The following TLE1 variants were observed in gnomAD, a reference collection of about 807,000 sequenced individuals.
TLE1 encodes TLE family member 1, transcriptional corepressor, also known as transducin-like enhancer protein 1.
A neutral mutation model predicts 89.8 loss-of-function variants in TLE1; 21 were observed. The observed-to-expected ratio is 0.23, with a 90% confidence interval of 0.17 to 0.34. TLE1 has a LOEUF of 0.34. TLE1 is among the 10% of genes least tolerant of loss of function. The probability of loss-of-function intolerance (pLI) is 1.00; values close to 1 mark genes in which losing one functional copy is unlikely to be tolerated. For missense variants in TLE1, 795 were observed against 1,031.2 expected (o/e 0.77, Z 3.14); for synonymous variants, 447 against 407.6 (o/e 1.10, Z -1.16).
At chr9:81,616,281 G>A in intron 10 of TLE1, 147 bp from the exon 11 acceptor site, 1 of 957,982 alleles carries the variant, frequency 1.0e-6, no homozygotes. Flanking sequence ...TGTTATAAAT[G>A]AGCAATATGG....
At chr9:81,590,585 A>G (rs1332546952) in intron 16 of TLE1, among the ~76,000 whole-genome samples, 2 of 152,220 alleles carry the variant, frequency 1.3e-5, no homozygotes, top group Admixed American at 1.3e-4. Flanking sequence ...TTGGCACATT[A>G]AGGAGATAGA....
intron 9 of TLE1, among the ~76,000 whole-genome samples, chr9:81,618,500 C>T (rs1210377080): frequency 1.3e-5 from 2 of 152,148 alleles, no homozygotes; most frequent in Non-Finnish European, 2.9e-5. Context: ...TACAGGGTCA[C>T]CATGCAATTC....
At chr9:81,660,896 A>C (rs1488196691) in intron 4 of TLE1, among the ~76,000 whole-genome samples, 1 of 146,668 alleles carries the variant, frequency 6.8e-6, no homozygotes, top group Non-Finnish European at 1.5e-5. Flanking sequence ...GGAGGTCAAG[A>C]CCATTCTGGC....
intron 6 of TLE1, among the ~76,000 whole-genome samples, chr9:81,643,241 T>G (rs1480813333): frequency 2.1e-5 from 3 of 142,210 alleles, no homozygotes; most frequent in African/African-American, 5.1e-5. Flanking sequence ...TTTTTGTTTT[T>G]TGGTTTTTTT....
At chr9:81,617,327 C>T (rs1824665720) in intron 9 of TLE1, among the ~76,000 whole-genome samples, 1 of 152,198 alleles carries the variant, frequency 6.6e-6, no homozygotes, top group African/African-American at 2.4e-5. Flanking sequence ...ATAGGGCTCT[C>T]ATTGTCCCCT....
At chr9:81,675,698 G>GTTTATTTTTTTTTTTT (rs1554701835) in intron 4 of TLE1, among the ~76,000 whole-genome samples, 1 of 129,666 alleles carries the variant, frequency 7.7e-6, no homozygotes, top group Non-Finnish European at 1.6e-5. Context: ...ACTCACACTA[G>GTTTATTTTTTTTTTTT]TTTTTTTTTG....
chr9:81,587,432 T>C (rs1478986979), intron 17 of TLE1, among the ~76,000 whole-genome samples: 2 of 152,224 alleles, frequency 1.3e-5, no homozygotes, highest in African/African-American at 2.4e-5. Flanking sequence ...CAAACTCATA[T>C]GTAAATATAA....
At chr9:81,671,644 C>CA (rs1313960980) in intron 4 of TLE1, among the ~76,000 whole-genome samples, 1,788 of 125,154 alleles carry the variant, frequency 0.014, 62 homozygotes, top group Admixed American at 0.082. Context: ...GACTCCGTCT[C>CA]AAAAAAAAAA....
In TLE1 at chr9:81,599,692, C is replaced by T. The variant is rs1383911412; in HGVS notation, c.1332-6418G>A. The stretch of plus-strand genomic sequence containing the variant: ...AAGGGTCTGCACATCTAACCCATGA[C>T]ATCTACAAAATTTTTCCAGTTTGGC... On this transcript the variant is annotated intron_variant, in intron 14 of 19. Transcript: ENST00000376499. 2.6e-5 allele frequency among the ~76,000 whole-genome samples: 4 copies of T among 152,096 alleles called. 1 individual carries two copies. The highest frequency in any genetic ancestry group is 5.9e-5 in the Non-Finnish European group (4 of 68,012).
At chr9:81,673,744 A>T (rs1334510508) in intron 4 of TLE1, among the ~76,000 whole-genome samples, 1 of 152,186 alleles carries the variant, frequency 6.6e-6, no homozygotes, top group Non-Finnish European at 1.5e-5. Flanking sequence ...CCTAGGGCAC[A>T]TGGGAGCTCC....
Position 81,613,456 on chromosome 9 carries a change from C to T in TLE1, c.984G>A (p.Thr328=), listed in dbSNP as rs746513420. 9.9e-6 allele frequency: 16 copies of T among 1,614,066 alleles called. No homozygotes were observed. The highest frequency in any genetic ancestry group is 1.3e-5 in the Non-Finnish European group (15 of 1,180,034). Residue 328 remains threonine (T), a synonymous_variant, in exon 12 of 20, where the codon ACG becomes ACA. Transcript: ENST00000376499. ...GGCCTGGAGTGGCGCTGGTGCCCGG[C>T]GTTGGCATGTCGCTCCGAGGCGTTG... The part of the protein sequence containing the change: ...STPTPRSDMP[T]PGTSATPGLR...
chr9:81,640,661 G>A (rs1024179873), intron 6 of TLE1, among the ~76,000 whole-genome samples: 10 of 152,184 alleles, frequency 6.6e-5, no homozygotes, highest in African/African-American at 2.4e-4. Flanking sequence ...CAACAGCCAC[G>A]CATTGAGAAT....
At chr9:81,620,649 T>C (rs531232884) in intron 8 of TLE1, 92 bp from the exon 9 acceptor site, 4 of 1,539,000 alleles carry the variant, frequency 2.6e-6, no homozygotes, top group East Asian at 4.5e-5. Context: ...TTTTGAAAGG[T>C]GATACCTACA....
chr9:81,650,058 C>T (rs895556398), intron 6 of TLE1, among the ~76,000 whole-genome samples: 16 of 152,182 alleles, frequency 1.1e-4, no homozygotes, highest in African/African-American at 3.6e-4. Flanking sequence ...GCTTGCATTG[C>T]GCCTGATTCA....
intron 4 of TLE1, among the ~76,000 whole-genome samples, chr9:81,676,502 T>C (rs990127893): frequency 6.6e-6 from 1 of 152,020 alleles, no homozygotes; most frequent in African/African-American, 2.4e-5. Flanking sequence ...GGACTTTTTA[T>C]AAAGAAAACA....
rs1469551898 is a variant in TLE1, at chr9:81,687,399, G to C, written c.60C>G (p.Phe20Leu). 2 of 1,611,430 alleles carry C rather than the reference G, an allele frequency of 1.2e-6. No homozygotes were observed. The highest frequency in any genetic ancestry group is 1.7e-6 in the Non-Finnish European group (2 of 1,179,440). Residue 20 changes from phenylalanine to leucine, a missense_variant, in exon 2 of 20, where the codon TTC becomes TTG. Phe to Leu is a conservative substitution (Grantham distance 22). Around this residue, in one of 4 missense-constraint regions of TLE1, gnomAD observed 47 missense variants for 48.5 expected, o/e 0.97. Transcript: ENST00000376499. The stretch of plus-strand genomic sequence containing the variant: ...TCCGGTCCAGGGACTCCGGGATAGT[G>C]AACTTGAAGGGCTGGCCTGCAGCCT... ...PHQAAGQPFK[F>L]TIPESLDRIK...
chr9:81,584,890 T>C (rs1256915805), intron 18 of TLE1, among the ~76,000 whole-genome samples: 1 of 151,948 alleles, frequency 6.6e-6, no homozygotes, highest in African/African-American at 2.4e-5. Flanking sequence ...GGATTAAACA[T>C]CCAACTTAAG....
chr9:81,672,764 G>C (rs1832389867), intron 4 of TLE1, among the ~76,000 whole-genome samples: 1 of 151,866 alleles, frequency 6.6e-6, no homozygotes, highest in African/African-American at 2.4e-5. Context: ...TGTTACATTC[G>C]AAAGAAAAAC....
intron 14 of TLE1, among the ~76,000 whole-genome samples, chr9:81,598,503 CAGA>C (rs1230469775): frequency 6.6e-6 from 1 of 152,104 alleles, no homozygotes; most frequent in East Asian, 1.9e-4. Context: ...CAGGGGCAGG[CAGA>C]AGGTTTCACC....
Sources: allele counts gnomAD v4.1 joint callset (sites outside exome capture counted in the v4.1 genomes callset), GRCh38; gene constraint gnomAD v4.1.1; regional missense constraint gnomAD v4.1.1; transcripts MANE v1.5; gene names NCBI Gene and HGNC (gene_info 2026-07-23, HGNC 2026-07-21).